CDC14B: variants seen among roughly 807,000 people sequenced by gnomAD.
The protein encoded by CDC14B is dual specificity protein phosphatase CDC14B.
A neutral mutation model predicts 64.2 loss-of-function variants in CDC14B; 22 were observed. The observed-to-expected ratio is 0.34, with a 90% CI of 0.24 to 0.49. The LOEUF is 0.49. Among genes scored for constraint, CDC14B ranks in the 20% least tolerant of loss-of-function variants. The pLI is 0.99. For synonymous variants in CDC14B, 191 were observed against 215.8 expected (o/e 0.89, Z 1.01); for missense variants, 498 against 629.9 (o/e 0.79, Z 2.24).
chr9:96,498,868 C>T (rs960785939), downstream of CDC14B, among the ~76,000 whole-genome samples: 8 of 152,220 alleles, frequency 5.3e-5, no homozygotes, highest in East Asian at 1.5e-3. Flanking sequence ...GGCCCTGGGC[C>T]GAGTGGCTCT....
rs1837128315 is a variant in CDC14B, at chr9:96,523,694, G to A, written c.978C>T (p.Ala326=). The change falls in exon 10 of 14, where the codon GCC becomes GCT. Residue 326 remains alanine (A), a synonymous_variant. Transcript: ENST00000375241. ...AGLGRTGTLI[A]CYIMKHYRMT... is the part of the protein sequence containing the mutation. ...TCCTGTAATGCTTCATGATGTAGCA[G>A]GCTATCAGAGTGCCCGTGCGACCAA... 1.9e-6 allele frequency: 3 copies of A among 1,613,908 alleles called. No homozygotes were observed. The highest frequency in any genetic ancestry group is 2.7e-5 in the African/African-American group (2 of 75,016).
rs182893207 is a variant in CDC14B at position 96,508,360 on chromosome 9, C to T, written c.1460+1313G>A. ...GCATGGCTCTTTTCACTTACTGCTT[C>T]GTGTACTAAACTAAATGTATGACTC... On this transcript the variant is annotated intron_variant, in intron 13 of 13. Coordinates refer to ENST00000375241, the MANE Select transcript of CDC14B (RefSeq NM_033331.4). Among the ~76,000 whole-genome samples, 6 of 60,306 alleles carry T rather than the reference C, an allele frequency of 9.9e-5. No homozygotes were observed. The Admixed American group carries it at 1.1e-3, about 11-fold the overall frequency. The allele number at this position is 60,306 out of a possible 152,430, so 39.6% of individuals were successfully genotyped here.
chr9:96,509,605 A>T, intron 13 of CDC14B, 68 bp downstream of exon 13: 5 of 890,960 alleles, frequency 5.6e-6, no homozygotes, highest in Non-Finnish European at 9.5e-6. Context: ...CTCCAGAGGT[A>T]GGGTCCAAAT....
chr9:96,581,520 A>G (rs1298782286), intron 1 of CDC14B, among the ~76,000 whole-genome samples: 1 of 151,904 alleles, frequency 6.6e-6, no homozygotes, highest in African/African-American at 2.4e-5. Context: ...TAATTTAAAA[A>G]TTAAAAAATT....
intron 1 of CDC14B, among the ~76,000 whole-genome samples, chr9:96,609,623 C>T (rs1353749561): frequency 1.3e-5 from 2 of 152,000 alleles, no homozygotes; most frequent in East Asian, 1.9e-4. Context: ...CTGAGATGGT[C>T]CTAAAATTGA....
At chr9:96,589,595 T>A (rs762861573) in intron 1 of CDC14B, among the ~76,000 whole-genome samples, 1 of 152,160 alleles carries the variant, frequency 6.6e-6, no homozygotes, top group African/African-American at 2.4e-5. Context: ...TAGGAAAGAA[T>A]AGCTACACAA....
chr9:96,551,196 A>G (rs1587930651), intron 5 of CDC14B, among the ~76,000 whole-genome samples: 1 of 143,974 alleles, frequency 6.9e-6, no homozygotes, highest in Non-Finnish European at 1.5e-5. Context: ...CACTCACTGC[A>G]CCCTCGAACT....
At chr9:96,528,320 G>A (rs768683858) in intron 9 of CDC14B, among the ~76,000 whole-genome samples, 8 of 151,962 alleles carry the variant, frequency 5.3e-5, no homozygotes, top group Non-Finnish European at 8.8e-5. Flanking sequence ...TCAGGAGTTC[G>A]AGACCAGCCT....
Position 96,523,408 on chromosome 9 carries a change from G to A in CDC14B, c.1098C>T (p.Asn366=). The A allele has an allele frequency of 6.2e-7, 1 of 1,614,092 alleles. No individual in the cohort carries two copies. Among genetic ancestry groups the A allele is most frequent in the Non-Finnish European group, 8.5e-7 (1 of 1,179,984 alleles). Residue 366 remains asparagine (N), a synonymous_variant, in exon 11 of 14, where the codon AAC becomes AAT. Transcript: ENST00000375241. ...GAAAATAGTCCCCTTCCAGCCAGAG[G>A]TTGGTTTGCTTCCTAGAGCATTTAA... ...QQQFLVMKQT[N]LWLEGDYFRQ...
rs1435675701 is a variant in CDC14B, at chr9:96,619,753, C to T, written c.-375G>A. ...CCGGGGTAACCGTGCGTGCCCACCG[C>T]GGCCGCGGCCGCTGCTGCGTAGGCG... On this transcript the variant is annotated 5_prime_UTR_variant, in exon 1 of 14. Coordinates refer to ENST00000375241, the MANE Select transcript of CDC14B (RefSeq NM_033331.4). 2 of 151,452 alleles carry T rather than the reference C, an allele frequency of 1.3e-5. No individual in the cohort carries two copies. The highest frequency in any genetic ancestry group is 2.9e-5 in the Non-Finnish European group (2 of 67,808). The allele number at this position is 151,452 out of a possible 1,614,324, so 9.4% of individuals were successfully genotyped here.
chr9:96,505,178 CT>C (rs1170176349), intron 13 of CDC14B, among the ~76,000 whole-genome samples: 4 of 148,420 alleles, frequency 2.7e-5, no homozygotes, highest in African/African-American at 1.0e-4. Context: ...GAGACTCTGT[CT>C]CATTTAAAAA....
chr9:96,617,384 G>C lies in CDC14B; in HGVS notation c.160+1835C>G, dbSNP rs531974848. Among the ~76,000 whole-genome samples, 3 of 152,054 alleles carry C rather than the reference G, an allele frequency of 2.0e-5. No homozygotes were observed. In the East Asian group the frequency reaches 5.8e-4, roughly 30 times the overall value. ...AAACCTTCTGATTGAAAACCCAAAT[G>C]TTCATCAACAGGGACTGTCTAAATA... On this transcript the variant is annotated intron_variant, in intron 1 of 13. Transcript: ENST00000375241.
At chr9:96,561,952 G>T (rs1338790016) in intron 4 of CDC14B, among the ~76,000 whole-genome samples, 2 of 152,172 alleles carry the variant, frequency 1.3e-5, no homozygotes, top group Non-Finnish European at 2.9e-5. Context: ...GCTGGCTCTG[G>T]AAAAATTGCA....
At chr9:96,532,741 T>C (rs1838682208) in intron 9 of CDC14B, among the ~76,000 whole-genome samples, 1 of 152,222 alleles carries the variant, frequency 6.6e-6, no homozygotes, top group African/African-American at 2.4e-5. Flanking sequence ...AAATATGCTT[T>C]TGAATCCCTC....
intron 13 of CDC14B, among the ~76,000 whole-genome samples, chr9:96,494,415 C>T (rs1197093376): frequency 6.6e-6 from 1 of 152,200 alleles, no homozygotes; most frequent in African/African-American, 2.4e-5. Context: ...GTGCAGAGGG[C>T]CCACGCTCAG....
intron 5 of CDC14B, among the ~76,000 whole-genome samples, chr9:96,550,730 G>C (rs935597624): frequency 6.6e-6 from 1 of 152,052 alleles, no homozygotes; most frequent in Non-Finnish European, 1.5e-5. Context: ...TTAAACTATA[G>C]AGCTAAGTCA....
At position 96,503,799 on chromosome 9, in the gene CDC14B, GA is replaced by G. The variant is rs749899272; in HGVS notation, c.1461-11del. The G allele has an allele frequency of 3.0e-5, 48 of 1,605,278 alleles. No homozygotes were observed. Among genetic ancestry groups the G allele is most frequent in the South Asian group, 1.1e-4 (10 of 89,864 alleles). ...CCTTGAAATGGAGAGACTACAGGGG[GA>G]AAAAAAAGGATTTTTACCAGAAAGT... On this transcript the variant is annotated splice_polypyrimidine_tract_variant and intron_variant, in intron 13 of 13. Transcript: ENST00000375241.
At chr9:96,524,411 C>T (rs1463195227) in intron 9 of CDC14B, among the ~76,000 whole-genome samples, 1 of 152,200 alleles carries the variant, frequency 6.6e-6, no homozygotes, top group Non-Finnish European at 1.5e-5. Context: ...ACGGTACCAC[C>T]ATCTTTGCAA....
At chr9:96,496,801 C>T (rs1833266366), downstream of CDC14B, among the ~76,000 whole-genome samples, 1 of 152,222 alleles carries the variant, frequency 6.6e-6, no homozygotes, top group Non-Finnish European at 1.5e-5. Context: ...TTCCTCTGCC[C>T]GCCGGCCCGA....
Sources: allele counts gnomAD v4.1 joint callset (sites outside exome capture counted in the v4.1 genomes callset), GRCh38; gene constraint gnomAD v4.1.1; transcripts MANE v1.5; gene names NCBI Gene and HGNC (gene_info 2026-07-23, HGNC 2026-07-21).